TAOK3: variants seen among roughly 807,000 people sequenced by gnomAD.
TAOK3 encodes the protein TAO kinase 3, also known as serine/threonine-protein kinase TAO3.
In TAOK3, 40 loss-of-function variants were observed where a neutral mutation model predicts 120.4. The ratio of observed to expected loss-of-function variants is 0.33; its 90% CI spans 0.26 to 0.43. TAOK3 has a LOEUF of 0.43. TAOK3 is among the 20% of genes least tolerant of loss of function. The pLI is 1.00. For synonymous variants in TAOK3, 355 were observed against 387.5 expected, an observed-to-expected ratio of 0.92 and a Z score of 0.99; for missense variants, 821 against 1,112.1, an observed-to-expected ratio of 0.74 and a Z score of 3.72.
intron 15 of TAOK3, 67 bp from the exon 16 acceptor site, chr12:118,177,396 C>T: frequency 6.9e-7 from 1 of 1,447,944 alleles, no homozygotes; most frequent in Non-Finnish European, 9.6e-7. Flanking sequence ...GATCTATATT[C>T]TCCAGTGCAG....
At position 118,151,281 on chromosome 12, in the gene TAOK3, G is replaced by A. The variant is rs528267539; in HGVS notation, c.2536-123C>T. ...ACACATAGGCACACACATGAAGTGC[G>A]CGCGCGCGCACACACACACACACAC... On this transcript the variant is annotated intron_variant, in intron 20 of 20. Coordinates refer to ENST00000392533, the MANE Select transcript of TAOK3 (RefSeq NM_016281.4). The A allele has an allele frequency of 2.0e-4, 102 of 517,834 alleles. 2 individuals are homozygous for A. The highest frequency in any genetic ancestry group is 7.3e-4 in the South Asian group (26 of 35,570). The allele number at this position is 517,834 out of a possible 1,614,324, so 32.1% of individuals were successfully genotyped here. A position where few individuals can be genotyped will look rare whatever the true frequency, so the allele number is the denominator to read the frequency against.
intron 2 of TAOK3, among the ~76,000 whole-genome samples, chr12:118,258,336 T>C (rs2041079430): frequency 6.6e-6 from 1 of 152,168 alleles, no homozygotes; most frequent in Non-Finnish European, 1.5e-5. Context: ...AATAATCAAG[T>C]ATAAAGTTAC....
intron 1 of TAOK3, among the ~76,000 whole-genome samples, 167 bp from the exon 2 acceptor site, chr12:118,266,926 G>A (rs2041471950): frequency 1.3e-5 from 2 of 152,078 alleles, no homozygotes; most frequent in African/African-American, 4.8e-5. Flanking sequence ...TCAAAACAAA[G>A]ATGCAAGCTA....
intron 1 of TAOK3, among the ~76,000 whole-genome samples, chr12:118,311,338 G>A (rs1265676939): frequency 6.6e-6 from 1 of 152,178 alleles, no homozygotes; most frequent in Non-Finnish European, 1.5e-5. Flanking sequence ...GTGGGCACCT[G>A]TAATCCCAGC....
At position 118,189,837 on chromosome 12, in the gene TAOK3, C is replaced by T. The variant is rs1344153992; in HGVS notation, c.1299G>A (p.Glu433=). 2.5e-6 allele frequency: 4 copies of T among 1,614,168 alleles called. No homozygotes were observed. The highest frequency in any genetic ancestry group is 3.4e-6 in the Non-Finnish European group (4 of 1,180,024). Residue 433 remains glutamate, a synonymous_variant, in exon 14 of 21, where the codon GAG becomes GAA. Transcript: ENST00000392533. ...QSQALHYRNR[E]RFATIKSASL... is the part of the protein sequence containing the mutation. The stretch of plus-strand genomic sequence containing the variant: ...ATGCTGATTTGATCGTGGCAAAGCG[C>T]TCTCTGTTCCGGTAGTGGAGGGCCT...
At chr12:118,268,912 G>A (rs1360198620) in intron 1 of TAOK3, among the ~76,000 whole-genome samples, 7 of 152,046 alleles carry the variant, frequency 4.6e-5, no homozygotes, top group Admixed American at 4.6e-4. Context: ...GGCAGCTGAG[G>A]CAGGAGAATC....
At position 118,244,425 on chromosome 12, in the gene TAOK3, A is replaced by T. The variant is rs2040388070; in HGVS notation, c.192+469T>A. ...TAAAAATAATTATGAATGTTCACAC[A>T]TTTGTATGAAAAACTTCAGGAACTT... On this transcript the variant is annotated intron_variant, in intron 4 of 20. Coordinates refer to ENST00000392533, the MANE Select transcript of TAOK3 (RefSeq NM_016281.4). 2.0e-5 allele frequency among the ~76,000 whole-genome samples: 3 copies of T among 152,040 alleles called. No individual in the cohort carries two copies. In the South Asian group the frequency reaches 6.2e-4, roughly 31 times the overall value.
chr12:118,266,609 A>AT (rs986865993), intron 2 of TAOK3, 46 bp downstream of exon 2: 2 of 397,634 alleles, frequency 5.0e-6, no homozygotes, highest in Admixed American at 4.4e-5. Context: ...AGAAAATATT[A>AT]TTTTTTTCCA....
At position 118,201,352 on chromosome 12, in the gene TAOK3, T is replaced by G. The variant is rs774270544; in HGVS notation, c.931A>C (p.Ile311Leu). Residue 311 changes from isoleucine to leucine, a missense_variant, in exon 12 of 21, where the codon ATA becomes CTA. Ile to Leu is a conservative substitution (Grantham distance 5, BLOSUM62 2). Transcript: ENST00000392533. Reference sequence around the variant, plus strand: ...CCATTCCGTGTCTCTTGGAAAAGTATTTTTTTCATTTTTCGGTACTGTAGG... The same window carrying G: ...CCATTCCGTGTCTCTTGGAAAAGTAGTTTTTTCATTTTTCGGTACTGTAGG... ...DNLQYRKMKK[I>L]LFQETRNGPL... 1.5e-5 allele frequency: 24 copies of G among 1,613,994 alleles called. No homozygotes were observed. The highest frequency in any genetic ancestry group is 1.9e-5 in the Non-Finnish European group (23 of 1,179,930).
At chr12:118,325,457 C>A (rs571134810) in intron 1 of TAOK3, among the ~76,000 whole-genome samples, 3 of 152,122 alleles carry the variant, frequency 2.0e-5, no homozygotes, top group Non-Finnish European at 2.9e-5. Flanking sequence ...TTTTGATCTG[C>A]ATTTCTCTGA....
At chr12:118,202,938 C>T (rs1248789682) in intron 11 of TAOK3, among the ~76,000 whole-genome samples, 2 of 151,786 alleles carry the variant, frequency 1.3e-5, no homozygotes, top group East Asian at 1.9e-4. Flanking sequence ...CACCACCATG[C>T]CTGGCTAATT....
intron 17 of TAOK3, among the ~76,000 whole-genome samples, chr12:118,162,382 T>G (rs2035276169): frequency 6.6e-6 from 1 of 152,200 alleles, no homozygotes; most frequent in Non-Finnish European, 1.5e-5. Flanking sequence ...GTGAAGCTAG[T>G]GGTCCTACAC....
chr12:118,293,308 C>T (rs2042550670), intron 1 of TAOK3, among the ~76,000 whole-genome samples: 1 of 152,170 alleles, frequency 6.6e-6, no homozygotes, highest in South Asian at 2.1e-4. Context: ...AGGTACCAAG[C>T]TTAATTAATA....
In TAOK3 at chr12:118,150,820, G is replaced by C. The variant is rs2034337241; in HGVS notation, c.*177C>G. ...GAAAGTTGACACGGGGGGAGGAAGGGGGCCCCTGATGGAGTAAGAATAAAC... is the reference window on the plus strand; with the variant it reads ...GAAAGTTGACACGGGGGGAGGAAGGCGGCCCCTGATGGAGTAAGAATAAAC... On this transcript the variant is annotated 3_prime_UTR_variant, in exon 21 of 21. Coordinates refer to ENST00000392533, the MANE Select transcript of TAOK3 (RefSeq NM_016281.4). 2.8e-6 allele frequency: 2 copies of C among 706,832 alleles called. No individual in the cohort carries two copies. The highest frequency in any genetic ancestry group is 2.8e-5 in the East Asian group (1 of 35,940). 43.8% of individuals were successfully genotyped at this position (706,832 alleles called of 1,614,324 possible).
intron 1 of TAOK3, among the ~76,000 whole-genome samples, chr12:118,278,804 T>A (rs1448319369): frequency 6.6e-6 from 1 of 152,166 alleles, no homozygotes; most frequent in Admixed American, 6.5e-5. Context: ...CAGCATCTGT[T>A]ATTTTTTATT....
At chr12:118,188,846 T>C (rs1217887135) in intron 14 of TAOK3, among the ~76,000 whole-genome samples, 1 of 152,204 alleles carries the variant, frequency 6.6e-6, no homozygotes, top group Non-Finnish European at 1.5e-5. Flanking sequence ...AATATTTCAA[T>C]AATTTTTTGG....
chr12:118,205,041 G>A (rs975628024), intron 11 of TAOK3, among the ~76,000 whole-genome samples: 2 of 152,022 alleles, frequency 1.3e-5, no homozygotes, highest in Non-Finnish European at 2.9e-5. Flanking sequence ...ATGTTGGCAC[G>A]TGCCTGTAGT....
At chr12:118,238,264 C>A (rs546928298) in intron 6 of TAOK3, 95 bp from the exon 7 acceptor site, 116 of 626,402 alleles carry the variant, frequency 1.9e-4, no homozygotes, top group Non-Finnish European at 2.9e-4. Flanking sequence ...TACATACTTT[C>A]TCACATGACA....
chr12:118,266,007 C>A (rs2041431174), intron 2 of TAOK3, among the ~76,000 whole-genome samples: 1 of 151,954 alleles, frequency 6.6e-6, no homozygotes, highest in Non-Finnish European at 1.5e-5. Context: ...TAGGTAATTT[C>A]AAATCTAACT....
Sources: gnomAD v4.1 joint callset for allele counts (sites outside exome capture counted in the v4.1 genomes callset) on GRCh38, gnomAD v4.1.1 for gene constraint, MANE v1.5 for transcripts, NCBI Gene and HGNC (gene_info 2026-07-23, HGNC 2026-07-21) for gene names.